Variants in SIPA1L2 observed in about 807,000 individuals in gnomAD.
The protein encoded by SIPA1L2 is signal induced proliferation associated 1 like 2.
Under a neutral mutation model 163.9 loss-of-function variants are expected in SIPA1L2, and 56 were observed. The observed-to-expected ratio is 0.34, with a 90% CI of 0.28 to 0.43. SIPA1L2 has a LOEUF of 0.43. Ranked by LOEUF, SIPA1L2 falls within the 20% of genes least tolerant of loss-of-function variation. The pLI, the probability that SIPA1L2 is intolerant of heterozygous loss-of-function variation, is 1.00. For synonymous variants in SIPA1L2, 877 were observed against 865.7 expected (o/e 1.01, Z -0.23); for missense variants, 1,974 against 2,193.5 (o/e 0.90, Z 2.00).
In SIPA1L2 at chr1:232,439,343, C is replaced by T. The variant is rs767539461; in HGVS notation, c.3796G>A (p.Gly1266Ser). ...TYIKGASTDSGIDTAPCMPAT... is the reference protein window; with the variant it reads ...TYIKGASTDSSIDTAPCMPAT... ...GGCATGCAGGGGGCCGTGTCGATGC[C>T]ACTGTCGGTGGAGGCCCCTTTGATG... The change falls in exon 15 of 23, where the codon GGC becomes AGC. Residue 1266 changes from glycine to serine, a missense_variant. By Grantham distance (56) the Gly-to-Ser change is moderately conservative. Transcript: ENST00000674635. 1.9e-6 allele frequency: 3 copies of T among 1,614,236 alleles called. No individual in the cohort carries two copies. The highest frequency in any genetic ancestry group is 2.5e-6 in the Non-Finnish European group (3 of 1,180,044).
At chr1:232,571,262 T>C (rs1659711103) in intron 2 of SIPA1L2, among the ~76,000 whole-genome samples, 1 of 152,244 alleles carries the variant, frequency 6.6e-6, no homozygotes, top group South Asian at 2.1e-4. Flanking sequence ...AACACTTTTT[T>C]TAACATTAAA....
chr1:232,429,419 C>T (rs1055843815), intron 16 of SIPA1L2, among the ~76,000 whole-genome samples: 17 of 152,096 alleles, frequency 1.1e-4, no homozygotes, highest in Non-Finnish European at 7.3e-5. Flanking sequence ...AAAAGCCAGG[C>T]TATCTTATAA....
chr1:232,441,849 G>A lies in SIPA1L2; in HGVS notation c.3457C>T (p.Leu1153Phe). The A allele has an allele frequency of 6.2e-7, 1 of 1,612,846 alleles. No homozygotes were observed. The highest frequency in any genetic ancestry group is 8.5e-7 in the Non-Finnish European group (1 of 1,179,464). ...GYDGCQSPLL[L>F]EHQGSGPLEC... ...AAAGGGCCTGAGCCCTGGTGTTCGAGCAGTAGAGGGGACTGGCACCTGAAA... is the reference window on the plus strand; with the variant it reads ...AAAGGGCCTGAGCCCTGGTGTTCGAACAGTAGAGGGGACTGGCACCTGAAA... Residue 1153 changes from leucine to phenylalanine, a missense_variant, in exon 13 of 23, where the codon CTC becomes TTC. Transcript: ENST00000674635.
chr1:232,445,887 T>G, intron 10 of SIPA1L2, 101 bp from the exon 11 acceptor site: 1 of 1,354,900 alleles, frequency 7.4e-7, no homozygotes, highest in Non-Finnish European at 1.0e-6. Context: ...ACATGGTGTG[T>G]GCCTCTCCCG....
chr1:232,401,722 C>A (rs1660352618), intron 22 of SIPA1L2, among the ~76,000 whole-genome samples: 2 of 152,218 alleles, frequency 1.3e-5, no homozygotes, highest in Admixed American at 1.3e-4. Flanking sequence ...TCCCTCCCAA[C>A]TGAATCCTTT....
intron 16 of SIPA1L2, among the ~76,000 whole-genome samples, chr1:232,431,990 G>C (rs531799801): frequency 6.6e-6 from 1 of 152,332 alleles, no homozygotes; most frequent in Admixed American, 6.5e-5. Flanking sequence ...TCAGCAGCAT[G>C]TTACCATGAC....
At chr1:232,589,176 G>A (rs1660838718) in intron 1 of SIPA1L2, among the ~76,000 whole-genome samples, 1 of 152,206 alleles carries the variant, frequency 6.6e-6, no homozygotes, top group South Asian at 2.1e-4. Flanking sequence ...ACCATCGGGT[G>A]ACAAAACGCA....
intron 1 of SIPA1L2, among the ~76,000 whole-genome samples, chr1:232,601,577 A>C (rs1439195487): frequency 6.6e-6 from 1 of 152,194 alleles, no homozygotes; most frequent in Non-Finnish European, 1.5e-5. Context: ...TGTCTTCAAC[A>C]CATTTCTGTT....
At chr1:232,564,539 A>T (rs1659288099) in intron 2 of SIPA1L2, among the ~76,000 whole-genome samples, 1 of 152,116 alleles carries the variant, frequency 6.6e-6, no homozygotes, top group Admixed American at 6.5e-5. Flanking sequence ...ACTCCTGGAC[A>T]GAATGAAAAT....
intron 19 of SIPA1L2, among the ~76,000 whole-genome samples, chr1:232,413,918 T>C (rs952925322): frequency 6.6e-6 from 1 of 152,060 alleles, no homozygotes; most frequent in African/African-American, 2.4e-5. Context: ...GAGAAAATGG[T>C]GTTACCTCCC....
chr1:232,539,656 G>C (rs553391333), intron 2 of SIPA1L2, among the ~76,000 whole-genome samples: 2 of 152,246 alleles, frequency 1.3e-5, no homozygotes, highest in South Asian at 2.1e-4. Flanking sequence ...GACCTGGAGA[G>C]CAGCTCTTCT....
chr1:232,588,880 G>C (rs955436232), intron 1 of SIPA1L2, among the ~76,000 whole-genome samples: 8 of 152,164 alleles, frequency 5.3e-5, no homozygotes, highest in African/African-American at 1.9e-4. Context: ...TATTATTTAT[G>C]TTAACATACA....
chr1:232,574,776 T>C (rs1040678321), intron 1 of SIPA1L2, among the ~76,000 whole-genome samples: 1 of 152,236 alleles, frequency 6.6e-6, no homozygotes, highest in Non-Finnish European at 1.5e-5. Flanking sequence ...TCCATTTTGG[T>C]ACTAAATTCT....
intron 1 of SIPA1L2, among the ~76,000 whole-genome samples, chr1:232,592,438 C>G (rs1468382706): frequency 6.6e-6 from 1 of 152,138 alleles, no homozygotes; most frequent in African/African-American, 2.4e-5. Flanking sequence ...ATTGTAGCCA[C>G]CTAAAATGTT....
chr1:232,542,051 G>A (rs1037484328), intron 2 of SIPA1L2, among the ~76,000 whole-genome samples: 1 of 151,932 alleles, frequency 6.6e-6, no homozygotes, highest in South Asian at 2.1e-4. Context: ...ATACATAAAA[G>A]TATCTCTGAA....
chr1:232,564,227 T>C (rs1406523117), intron 2 of SIPA1L2, among the ~76,000 whole-genome samples: 1 of 86,628 alleles, frequency 1.2e-5, no homozygotes, highest in Non-Finnish European at 2.1e-5. Context: ...AAAGGTTTTT[T>C]TTTTTTTCGT....
intron 3 of SIPA1L2, among the ~76,000 whole-genome samples, chr1:232,504,077 C>T (rs1666607246): frequency 6.6e-6 from 1 of 152,118 alleles, no homozygotes. Flanking sequence ...TGGTGCATGT[C>T]TGTAATCCCA....
chr1:232,615,328 C>G (rs887420046), intron 1 of SIPA1L2, among the ~76,000 whole-genome samples: 1 of 152,224 alleles, frequency 6.6e-6, no homozygotes, highest in African/African-American at 2.4e-5. Flanking sequence ...AGGTGCTAGC[C>G]AGCAGTCTGC....
chr1:232,520,337 G>T (rs1156811601), intron 2 of SIPA1L2, among the ~76,000 whole-genome samples: 1 of 152,246 alleles, frequency 6.6e-6, no homozygotes, highest in Admixed American at 6.5e-5. Flanking sequence ...CCCAAGTGAG[G>T]AAGGGCTAGG....
Sources: allele counts gnomAD v4.1 joint callset (sites outside exome capture counted in the v4.1 genomes callset), GRCh38; gene constraint gnomAD v4.1.1; transcripts MANE v1.5; gene names NCBI Gene and HGNC (gene_info 2026-07-23, HGNC 2026-07-21).